The following ZNF714 variants were observed in gnomAD, a reference collection of about 807,000 sequenced individuals.
The protein encoded by ZNF714 is zinc finger protein 714.
A neutral mutation model predicts 46.2 loss-of-function variants in ZNF714; 32 were observed. That is an observed-to-expected ratio of 0.69 (90% confidence interval 0.52 to 0.93). The LOEUF (loss-of-function observed/expected upper bound fraction) is 0.93. Ranked by LOEUF, ZNF714 falls within the 40% of genes least tolerant of loss-of-function variation. ZNF714 has a pLI of 0.00. For synonymous variants in ZNF714, 199 were observed against 213.1 expected, an observed-to-expected ratio of 0.93 and a Z score of 0.58; for missense variants, 635 against 646.3, an observed-to-expected ratio of 0.98 and a Z score of 0.19.
chr19:21,095,807 A>G (rs555790382), intron 2 of ZNF714, among the ~76,000 whole-genome samples: 4 of 151,946 alleles, frequency 2.6e-5, no homozygotes, highest in African/African-American at 9.7e-5. Context: ...CTTTGACTCC[A>G]CCGGACTTTG....
In ZNF714 at chr19:21,118,209, T is replaced by C; in HGVS notation, c.1545T>C (p.Thr515=). ...GMVAHACNPN[T]LRGLGEQIAR... Reference sequence around the variant, plus strand: ...TGGCTCATGCCTGTAATCCCAACACTTTGAGAGGACTAGGTGAGCAGATCG... The same window carrying C: ...TGGCTCATGCCTGTAATCCCAACACCTTGAGAGGACTAGGTGAGCAGATCG... Residue 515 remains threonine, a synonymous_variant, in exon 5 of 5, where the codon ACT becomes ACC. Transcript: ENST00000456283. 6.3e-7 allele frequency: 1 copy of C among 1,599,594 alleles called. No homozygotes were observed. Among genetic ancestry groups the C allele is most frequent in the Non-Finnish European group, 8.5e-7 (1 of 1,171,922 alleles).
chr19:21,109,644 G>A (rs962055794), intron 4 of ZNF714: 1 of 189,764 alleles, frequency 5.3e-6, no homozygotes, highest in South Asian at 1.6e-4. Context: ...AGGATGTGCA[G>A]GTTTGTTACA....
intron 4 of ZNF714, among the ~76,000 whole-genome samples, chr19:21,106,694 G>A (rs10410901): frequency 0.94 from 142,743 of 152,262 alleles, 67,000 homozygotes; most frequent in Middle Eastern, 0.98. Context: ...TTGTGTGCTC[G>A]TGGCAACCTT....
chr19:21,106,659 T>C (rs530672721), intron 4 of ZNF714, among the ~76,000 whole-genome samples: 2 of 152,278 alleles, frequency 1.3e-5, no homozygotes, highest in Non-Finnish European at 2.9e-5. Context: ...TGGCATTATT[T>C]TTTGAAAAGA....
In ZNF714 at chr19:21,116,959, A is replaced by C. The variant is rs768195764; in HGVS notation, c.295A>C (p.Lys99Gln). 5 of 1,609,770 alleles carry C rather than the reference A, an allele frequency of 3.1e-6. No individual in the cohort carries two copies. The Admixed American group carries it at 6.7e-5, about 22-fold the overall frequency. Residue 99 changes from lysine (K) to glutamine (Q), a missense_variant, in exon 5 of 5, where the codon AAA becomes CAA. Physicochemically the swap from Lys to Gln is moderately conservative, Grantham distance 53 (BLOSUM62 1). Coordinates refer to ENST00000456283, the MANE Select transcript of ZNF714 (RefSeq NM_182515.4). ...SANVVECKVY[K>Q]KGYNELNQCL... ...AAATGTGGTTGAGTGTAAGGTGTACAAAAAAGGTTATAATGAACTAAACCA... is the reference window on the plus strand; with the variant it reads ...AAATGTGGTTGAGTGTAAGGTGTACCAAAAAGGTTATAATGAACTAAACCA...
intron 2 of ZNF714, among the ~76,000 whole-genome samples, chr19:21,087,222 C>CAAAAAAAAAAAA (rs57295093): frequency 1.1e-5 from 1 of 92,168 alleles, no homozygotes; most frequent in Non-Finnish European, 2.0e-5. Context: ...GCAGTCTCAG[C>CAAAAAAAAAAAA]AAAAAAAAAA....
Position 21,114,062 on chromosome 19 carries a change from C to T in ZNF714, c.143-2745C>T, listed in dbSNP as rs147718783. 3.4e-4 allele frequency among the ~76,000 whole-genome samples: 52 copies of T among 152,144 alleles called. 1 individual carries two copies. In the East Asian group the frequency reaches 9.9e-3, roughly 29 times the overall value. The stretch of plus-strand genomic sequence containing the variant: ...ATGTGTTTTATGAATCTGGGTGCTC[C>T]TTGAATTGATCTCTTTACCATTATG... On this transcript the variant is annotated intron_variant, in intron 4 of 4. Transcript: ENST00000456283.
In ZNF714 at chr19:21,117,602, A is replaced by G. The variant is rs776576300; in HGVS notation, c.938A>G (p.Tyr313Cys). The change falls in exon 5 of 5, where the codon TAC (tyrosine) becomes TGC (cysteine). Residue 313 changes from tyrosine to cysteine, a missense_variant. By Grantham distance (194) the Tyr-to-Cys change is radical (BLOSUM62 -2). Transcript: ENST00000456283. ...HKIIHSGEKS[Y>C]KCEQCGKGFN... ...ATAATTCATTCTGGAGAGAAATCTT[A>G]CAAATGTGAACAATGTGGCAAAGGC... 6 of 1,610,504 alleles carry G rather than the reference A, an allele frequency of 3.7e-6. No homozygotes were observed. Among genetic ancestry groups the G allele is most frequent in the Middle Eastern group, 1.7e-4 (1 of 6,052 alleles).
chr19:21,119,604 T>A lies in ZNF714; in HGVS notation c.*1272T>A, dbSNP rs996348568. 1 of 152,070 alleles carries A rather than the reference T, an allele frequency of 6.6e-6. No individual in the cohort carries two copies. The highest frequency in any genetic ancestry group is 1.5e-5 in the Non-Finnish European group (1 of 68,054). 9.4% of individuals were successfully genotyped at this position (152,070 alleles called of 1,614,324 possible). On this transcript the variant is annotated 3_prime_UTR_variant, in exon 5 of 5. Coordinates refer to ENST00000456283, the MANE Select transcript of ZNF714 (RefSeq NM_182515.4). ...TTGAAGAAAAATCATGCAAATGTAG[T>A]AAATTTGGAAAAACACTTTTTCAAA...
chr19:21,107,554 A>C (rs1041225811), intron 4 of ZNF714, among the ~76,000 whole-genome samples: 1 of 145,604 alleles, frequency 6.9e-6, no homozygotes, highest in Non-Finnish European at 1.5e-5. Context: ...CAAGATTTCT[A>C]TAATGAAACT....
chr19:21,106,568 C>CAA lies in ZNF714; in HGVS notation c.142+7673_142+7674dup, dbSNP rs34970745. Among the ~76,000 whole-genome samples, 786 of 88,052 alleles carry CAA rather than the reference C, an allele frequency of 8.9e-3. 5 individuals are homozygous for CAA. The highest frequency in any genetic ancestry group is 0.034 in the African/African-American group (624 of 18,282). 57.8% of individuals were successfully genotyped at this position (88,052 alleles called of 152,430 possible). A position where few individuals can be genotyped will look rare whatever the true frequency, so the allele number is the denominator to read the frequency against. ...TGGGTGACAGAGCAAGACTCCGTCT[C>CAA]AAAAAAAAAAAAAAAACAAATATTT... On this transcript the variant is annotated intron_variant, in intron 4 of 4. Coordinates refer to ENST00000456283, the MANE Select transcript of ZNF714 (RefSeq NM_182515.4).
intron 2 of ZNF714, among the ~76,000 whole-genome samples, chr19:21,086,901 C>G (rs1761471964): frequency 6.6e-6 from 1 of 152,046 alleles, no homozygotes; most frequent in African/African-American, 2.4e-5. Context: ...ATATTTTTGC[C>G]TAACTAGTCA....
In ZNF714 at chr19:21,117,204, A is replaced by C; in HGVS notation, c.540A>C (p.Lys180Asn). The C allele has an allele frequency of 6.2e-7, 1 of 1,614,088 alleles. No homozygotes were observed. The highest frequency in any genetic ancestry group is 8.5e-7 in the Non-Finnish European group (1 of 1,179,950). The change falls in exon 5 of 5, where the codon AAA becomes AAC. Residue 180 changes from lysine to asparagine, a missense_variant. Physicochemically the swap from Lys to Asn is moderately conservative, Grantham distance 94. Transcript: ENST00000456283. ...CTTACCAATGTGAAGAATGTGACAAAGTGTTTAAGCGGTTCTCAACCCTTA... is the reference window on the plus strand; with the variant it reads ...CTTACCAATGTGAAGAATGTGACAACGTGTTTAAGCGGTTCTCAACCCTTA... ...ENSYQCEECD[K>N]VFKRFSTLTR...
At chr19:21,102,676 TAGTG>T (rs1367654744) in intron 4 of ZNF714, among the ~76,000 whole-genome samples, 2 of 152,192 alleles carry the variant, frequency 1.3e-5, no homozygotes, top group African/African-American at 2.4e-5. Flanking sequence ...TACTGCCACA[TAGTG>T]CATGCCAATT....
chr19:21,089,293 T>C (rs1297058032), intron 2 of ZNF714, among the ~76,000 whole-genome samples: 1 of 152,200 alleles, frequency 6.6e-6, no homozygotes, highest in African/African-American at 2.4e-5. Context: ...AGCTTGAATA[T>C]CTGCTTTTAA....
At chr19:21,094,290 C>T (rs1379980448) in intron 2 of ZNF714, among the ~76,000 whole-genome samples, 1 of 152,254 alleles carries the variant, frequency 6.6e-6, no homozygotes, top group East Asian at 1.9e-4. Context: ...TGAGCCCAGC[C>T]CATGTCTTTG....
intron 2 of ZNF714, chr19:21,091,653 A>C (rs1234977651): frequency 2.0e-5 from 3 of 150,596 alleles, no homozygotes; most frequent in Non-Finnish European, 4.4e-5. Flanking sequence ...ATTTACCCAG[A>C]TTATGTTTGT....
intron 4 of ZNF714, among the ~76,000 whole-genome samples, chr19:21,110,086 T>A (rs1202517369): frequency 6.6e-6 from 1 of 152,232 alleles, no homozygotes; most frequent in Non-Finnish European, 1.5e-5. Flanking sequence ...AGTAGAATGA[T>A]TTATATTCCT....
intron 2 of ZNF714, among the ~76,000 whole-genome samples, chr19:21,087,685 C>T (rs1374207953): frequency 6.6e-6 from 1 of 151,980 alleles, no homozygotes; most frequent in Non-Finnish European, 1.5e-5. Context: ...TGAATAATAC[C>T]CATTTAACTT....
Sources: allele counts gnomAD v4.1 joint callset (sites outside exome capture counted in the v4.1 genomes callset), GRCh38; gene constraint gnomAD v4.1.1; transcripts MANE v1.5; gene names NCBI Gene and HGNC (gene_info 2026-07-23, HGNC 2026-07-21).